NUP62CL: variants seen among roughly 807,000 people sequenced by gnomAD.
The protein encoded by NUP62CL is nucleoporin 62 C-terminal like.
A neutral mutation model predicts 15.3 loss-of-function variants in NUP62CL; 13 were observed. That is an observed-to-expected ratio of 0.85 (90% CI 0.55 to 1.35). The LOEUF (loss-of-function observed/expected upper bound fraction) is 1.35. Ranked by LOEUF, NUP62CL falls within the 40% of genes most tolerant of loss-of-function variation. NUP62CL has a pLI of 0.00. For missense variants in NUP62CL, 123 were observed against 130.6 expected, an observed-to-expected ratio of 0.94 and a Z score of 0.28; for synonymous variants, 54 against 49.2, an observed-to-expected ratio of 1.10 and a Z score of -0.41.
chrX:107,132,037 C>T (rs1020953082), intron 8 of NUP62CL: 21 of 1,032,317 alleles, frequency 2.0e-5, no homozygotes, highest in East Asian at 6.1e-5. Flanking sequence ...TTTCTCCTAT[C>T]GACCCAACAT....
chrX:107,155,928 G>A (rs886492136), intron 4 of NUP62CL, among the ~76,000 whole-genome samples: 3 of 112,281 alleles, frequency 2.7e-5, no homozygotes, highest in Non-Finnish European at 5.6e-5. Flanking sequence ...TGCGCGCACC[G>A]TGCGCAAGCC....
chrX:107,161,766 A>G (rs981825645), intron 4 of NUP62CL, among the ~76,000 whole-genome samples: 2 of 102,956 alleles, frequency 1.9e-5, no homozygotes. Flanking sequence ...CCTAAAACTT[A>G]AAGTATAATT....
chrX:107,157,803 T>G (rs1464711912), intron 4 of NUP62CL, among the ~76,000 whole-genome samples: 2 of 111,492 alleles, frequency 1.8e-5, no homozygotes, highest in East Asian at 5.6e-4. Flanking sequence ...GTAAATGGAC[T>G]AAATTCTCCA....
intron 7 of NUP62CL, 37 bp from the exon 8 acceptor site, chrX:107,147,846 T>C (rs1925916962): frequency 1.9e-6 from 2 of 1,061,469 alleles, no homozygotes; most frequent in African/African-American, 3.7e-5. Flanking sequence ...TTATGATTAT[T>C]CTGAGGTGGT....
intron 2 of NUP62CL, among the ~76,000 whole-genome samples, chrX:107,185,104 G>A (rs1331818688): frequency 9.5e-6 from 1 of 105,725 alleles, no homozygotes; most frequent in African/African-American, 3.5e-5. Flanking sequence ...GGCTGAGGCA[G>A]GCGAATGGCG....
intron 4 of NUP62CL, among the ~76,000 whole-genome samples, chrX:107,160,712 T>C (rs889964370): frequency 3.6e-5 from 4 of 110,660 alleles, no homozygotes; most frequent in African/African-American, 9.9e-5. Context: ...ATTCAGGACA[T>C]AGGCGTGGGC....
intron 8 of NUP62CL, among the ~76,000 whole-genome samples, chrX:107,133,480 A>G (rs1925567656): frequency 9.0e-6 from 1 of 111,089 alleles, no homozygotes; most frequent in African/African-American, 3.3e-5. Flanking sequence ...GACTGCAGGC[A>G]CACACCACCA....
At chrX:107,146,481 GAC>G (rs768242813) in intron 8 of NUP62CL, among the ~76,000 whole-genome samples, 2 of 112,071 alleles carry the variant, frequency 1.8e-5, no homozygotes, top group African/African-American at 6.5e-5. Flanking sequence ...GCCAAGAAAT[GAC>G]AGTTTGAACA....
intron 3 of NUP62CL, among the ~76,000 whole-genome samples, chrX:107,172,144 T>A (rs1926666908): frequency 9.9e-6 from 1 of 101,412 alleles, no homozygotes; most frequent in Non-Finnish European, 2.0e-5. Context: ...GACAATGTAG[T>A]GAGACCTCAT....
At chrX:107,188,593 C>T (rs1213835461) in intron 2 of NUP62CL, among the ~76,000 whole-genome samples, 1 of 111,555 alleles carries the variant, frequency 9.0e-6, no homozygotes, top group East Asian at 2.8e-4. Context: ...GCTCTCACCA[C>T]TCTTATCCAA....
intron 1 of NUP62CL, among the ~76,000 whole-genome samples, chrX:107,204,561 A>C (rs1035075661): frequency 2.7e-5 from 3 of 110,326 alleles, no homozygotes; most frequent in African/African-American, 9.9e-5. Flanking sequence ...ACTAATATTC[A>C]CTGAACACCT....
rs374729338 is a variant in NUP62CL, at chrX:107,161,350, T to C, written c.194+6299A>G. Among the ~76,000 whole-genome samples the C allele has an allele frequency of 2.7e-3, 263 of 98,344 alleles. 1 individual carries two copies. Among genetic ancestry groups the C allele is most frequent in the African/African-American group, 9.6e-3 (252 of 26,304 alleles). The allele number at this position is 98,344 out of a possible 115,157, so 85.4% of individuals were successfully genotyped here. ...ATGCACACGTATGTTTATTGCGGCA[T>C]TATTCACAATAGCAAAGACTTGGAA... On this transcript the variant is annotated intron_variant, in intron 4 of 8. Coordinates refer to ENST00000372466, the MANE Select transcript of NUP62CL (RefSeq NM_017681.3).
chrX:107,166,884 G>A (rs1016818031), intron 4 of NUP62CL, among the ~76,000 whole-genome samples: 7 of 111,767 alleles, frequency 6.3e-5, no homozygotes, highest in African/African-American at 1.9e-4. Context: ...TATAGAAATA[G>A]AGAACATTAA....
At position 107,147,763 on chromosome X, in the gene NUP62CL, T is replaced by C; in HGVS notation, c.*22A>G. 3 of 1,186,906 alleles carry C rather than the reference T, an allele frequency of 2.5e-6. No individual in the cohort carries two copies. Among genetic ancestry groups the C allele is most frequent in the Non-Finnish European group, 3.4e-6 (3 of 873,479 alleles). On this transcript the variant is annotated 3_prime_UTR_variant, in exon 8 of 9. Coordinates refer to ENST00000372466, the MANE Select transcript of NUP62CL (RefSeq NM_017681.3). The stretch of plus-strand genomic sequence containing the variant: ...CCCACCTGAATTCCGATCAATCCAC[T>C]GCAGGGAGTCCATATGGGCATTCAG...
At chrX:107,128,621 G>A (rs1925441380) in intron 8 of NUP62CL, among the ~76,000 whole-genome samples, 1 of 111,490 alleles carries the variant, frequency 9.0e-6, no homozygotes, top group South Asian at 3.7e-4. Flanking sequence ...ACAAAGAAGG[G>A]GATAAACAAC....
intron 5 of NUP62CL, 105 bp downstream of exon 5, chrX:107,153,987 TAAAC>T: frequency 1.2e-6 from 1 of 809,305 alleles, no homozygotes; most frequent in Admixed American, 3.3e-5. Context: ...AACAAAAACA[TAAAC>T]AAAACAACAA....
intron 7 of NUP62CL, among the ~76,000 whole-genome samples, chrX:107,149,414 C>G (rs1925957741): frequency 8.9e-6 from 1 of 112,137 alleles, no homozygotes; most frequent in African/African-American, 3.2e-5. Context: ...GACATGGTAG[C>G]ATGAATAATT....
chrX:107,161,077 A>G (rs1309815291), intron 4 of NUP62CL, among the ~76,000 whole-genome samples: 10 of 110,872 alleles, frequency 9.0e-5, no homozygotes, highest in African/African-American at 3.0e-4. Context: ...CAAAACCACT[A>G]TGAGATATCA....
In NUP62CL at chrX:107,132,013, A is replaced by T. The variant is rs1251532422; in HGVS notation, c.*43-7681T>A. 4.9e-6 allele frequency: 5 copies of T among 1,010,826 alleles called. No homozygotes were observed. The African/African-American group carries it at 9.4e-5, about 19-fold the overall frequency. 83.3% of individuals were successfully genotyped at this position (1,010,826 alleles called of 1,213,427 possible). A position where few individuals can be genotyped will look rare whatever the true frequency, so the allele number is the denominator to read the frequency against. ...CATAGGTGGGATGGAATGGTTGCAA[A>T]TAAAGGATAATGATTTCTCCTATCG... On this transcript the variant is annotated intron_variant, in intron 8 of 8. Coordinates refer to ENST00000372466, the MANE Select transcript of NUP62CL (RefSeq NM_017681.3).
Sources: gnomAD v4.1 joint callset for allele counts (sites outside exome capture counted in the v4.1 genomes callset) on GRCh38, gnomAD v4.1.1 for gene constraint, MANE v1.5 for transcripts, NCBI Gene and HGNC (gene_info 2026-07-23, HGNC 2026-07-21) for gene names.